The following NRXN3 variants were observed in gnomAD, a reference collection of about 807,000 sequenced individuals.
NRXN3 encodes neurexin 3, also known as neurexin III.
NRXN3 carries 32 observed loss-of-function variants against 137.6 expected under a neutral mutation model. That is an observed-to-expected ratio of 0.23 (90% CI 0.18 to 0.31). The LOEUF is 0.31. Among genes scored for constraint, NRXN3 ranks in the 10% least tolerant of loss-of-function variants. NRXN3 has a pLI of 1.00. For synonymous variants in NRXN3, 798 were observed against 784.5 expected, an observed-to-expected ratio of 1.02 and a Z score of -0.29; for missense variants, 1,574 against 2,062.5, an observed-to-expected ratio of 0.76 and a Z score of 4.59.
intron 4 of NRXN3, among the ~76,000 whole-genome samples, chr14:78,368,537 C>CA (rs1164653216): frequency 3.3e-5 from 5 of 151,868 alleles, no homozygotes; most frequent in Non-Finnish European, 7.4e-5. Context: ...ACTAAAAATA[C>CA]AAAAAAAATT....
chr14:79,853,265 T>C (rs2099395726), intron 20 of NRXN3, among the ~76,000 whole-genome samples: 1 of 152,210 alleles, frequency 6.6e-6, no homozygotes. Flanking sequence ...CTTGAATGCA[T>C]AAATCTAGTC....
intron 8 of NRXN3, among the ~76,000 whole-genome samples, chr14:78,721,007 T>A (rs2098457249): frequency 6.6e-6 from 1 of 152,172 alleles, no homozygotes; most frequent in Non-Finnish European, 1.5e-5. Context: ...CTCCACGAGC[T>A]CACAGCACAG....
At chr14:79,160,921 A>T (rs949991649) in intron 15 of NRXN3, among the ~76,000 whole-genome samples, 2 of 151,924 alleles carry the variant, frequency 1.3e-5, no homozygotes, top group African/African-American at 4.8e-5. Flanking sequence ...TTCTGTAACT[A>T]GCCTGTTTAT....
At position 79,052,229 on chromosome 14, in the gene NRXN3, C is replaced by T. The variant is rs556373114; in HGVS notation, c.3262+64088C>T. ...GGATTCTACTTATCCAAAACTAATT[C>T]TGTACATTTACGGGATCATCAGAAT... On this transcript the variant is annotated intron_variant, in intron 15 of 20. Coordinates refer to ENST00000335750, the MANE Select transcript of NRXN3 (RefSeq NM_001330195.2). 1.2e-4 allele frequency among the ~76,000 whole-genome samples: 19 copies of T among 152,246 alleles called. No homozygotes were observed. The South Asian group carries it at 3.9e-3, about 32-fold the overall frequency.
rs116394184 is a variant in NRXN3 at position 78,872,777 on chromosome 14, G to A, written c.2275+62433G>A. 5.8e-3 allele frequency among the ~76,000 whole-genome samples: 882 copies of A among 151,972 alleles called. 6 individuals are homozygous for A. The highest frequency in any genetic ancestry group is 0.02 in the African/African-American group (841 of 41,458). Reference sequence around the variant, plus strand: ...TGAAGTCTTAGTTTTCTCTCTGTGCGTTTTCTGCATTTAGGTGGATAGCAT... The same window carrying A: ...TGAAGTCTTAGTTTTCTCTCTGTGCATTTTCTGCATTTAGGTGGATAGCAT... On this transcript the variant is annotated intron_variant, in intron 10 of 20. Coordinates refer to ENST00000335750, the MANE Select transcript of NRXN3 (RefSeq NM_001330195.2).
At chr14:78,683,208 A>G (rs1567050388) in intron 6 of NRXN3, among the ~76,000 whole-genome samples, 7 of 152,232 alleles carry the variant, frequency 4.6e-5, no homozygotes, top group Admixed American at 2.0e-4. Context: ...TATTATTAAA[A>G]CTAACATCAC....
intron 10 of NRXN3, among the ~76,000 whole-genome samples, chr14:78,911,959 G>A (rs1485926424): frequency 2.6e-5 from 4 of 151,500 alleles, no homozygotes; most frequent in Non-Finnish European, 4.4e-5. Context: ...TAGGGTACAT[G>A]TGCACAACGT....
chr14:78,765,662 T>C (rs2098706539), intron 8 of NRXN3, among the ~76,000 whole-genome samples: 1 of 152,180 alleles, frequency 6.6e-6, no homozygotes, highest in Non-Finnish European at 1.5e-5. Flanking sequence ...TGCTACTCTC[T>C]AGTAGAGTGA....
intron 19 of NRXN3, among the ~76,000 whole-genome samples, chr14:79,715,926 G>A (rs552028295): frequency 9.9e-5 from 15 of 152,202 alleles, no homozygotes; most frequent in African/African-American, 3.4e-4. Context: ...ACTGTATCGC[G>A]TTCCTCTGGC....
intron 15 of NRXN3, among the ~76,000 whole-genome samples, chr14:79,099,830 C>T (rs1379243487): frequency 5.3e-5 from 8 of 152,146 alleles, no homozygotes; most frequent in Non-Finnish European, 8.8e-5. Context: ...TTTTGTTTTA[C>T]ACAATGCCTG....
At chr14:78,945,843 G>A (rs2099364080) in intron 10 of NRXN3, among the ~76,000 whole-genome samples, 1 of 152,204 alleles carries the variant, frequency 6.6e-6, no homozygotes, top group Non-Finnish European at 1.5e-5. Flanking sequence ...TGAAGAGGCA[G>A]CTCTGATTTG....
intron 20 of NRXN3, among the ~76,000 whole-genome samples, chr14:79,811,856 A>G (rs2099235077): frequency 6.6e-6 from 1 of 152,002 alleles, no homozygotes; most frequent in Non-Finnish European, 1.5e-5. Context: ...TGCTGGGATT[A>G]CAGCCGTGAG....
intron 19 of NRXN3, among the ~76,000 whole-genome samples, chr14:79,773,878 T>C (rs72698407): frequency 0.12 from 18,499 of 151,274 alleles, 1,330 homozygotes; most frequent in Middle Eastern, 0.22. Flanking sequence ...ATCTGTTCTC[T>C]TAACCTCTCT....
At chr14:79,587,239 G>A (rs1244541812) in intron 16 of NRXN3, among the ~76,000 whole-genome samples, 1 of 152,224 alleles carries the variant, frequency 6.6e-6, no homozygotes, top group Non-Finnish European at 1.5e-5. Context: ...TGAAGTCACT[G>A]CTCTTTTTAA....
rs569053123 is a variant in NRXN3, at chr14:79,295,312, A to G, written c.3263-171909A>G. 4.1e-4 allele frequency among the ~76,000 whole-genome samples: 63 copies of G among 152,130 alleles called. 1 individual carries two copies. The South Asian group carries it at 0.011, about 27-fold the overall frequency. The stretch of plus-strand genomic sequence containing the variant: ...TCTTATACGTCAGGCTTCAACTTCA[A>G]TGTTATCCCCTCAAGAGCCCTTCCT... On this transcript the variant is annotated intron_variant, in intron 15 of 20. Coordinates refer to ENST00000335750, the MANE Select transcript of NRXN3 (RefSeq NM_001330195.2).
chr14:78,638,667 C>G (rs968929753), intron 4 of NRXN3, among the ~76,000 whole-genome samples: 5 of 152,148 alleles, frequency 3.3e-5, no homozygotes, highest in African/African-American at 1.2e-4. Context: ...TCACAGCTTC[C>G]TAAGAGGCTC....
At chr14:78,939,558 C>T (rs1220651745) in intron 10 of NRXN3, among the ~76,000 whole-genome samples, 1 of 152,194 alleles carries the variant, frequency 6.6e-6, no homozygotes, top group African/African-American at 2.4e-5. Context: ...CATTGCCCTC[C>T]TGGGGAGACA....
intron 15 of NRXN3, among the ~76,000 whole-genome samples, chr14:79,394,853 G>A (rs898518538): frequency 1.3e-5 from 2 of 152,122 alleles, no homozygotes; most frequent in African/African-American, 2.4e-5. Flanking sequence ...ATTCAGTGAC[G>A]ATAACTGACT....
chr14:78,345,903 A>G (rs944244392), intron 4 of NRXN3, among the ~76,000 whole-genome samples: 4 of 152,156 alleles, frequency 2.6e-5, no homozygotes, highest in African/African-American at 9.7e-5. Context: ...GTCCCTGGGG[A>G]CAGGCCCTGA....
Sources: gnomAD v4.1 joint callset for allele counts (sites outside exome capture counted in the v4.1 genomes callset) on GRCh38, gnomAD v4.1.1 for gene constraint, MANE v1.5 for transcripts, NCBI Gene and HGNC (gene_info 2026-07-23, HGNC 2026-07-21) for gene names.